The following MGAT4C variants were observed in gnomAD, a reference collection of about 807,000 sequenced individuals.
MGAT4C encodes the protein alpha-1,3-mannosyl-glycoprotein 4-beta-N-acetylglucosaminyltransferase C.
A neutral mutation model predicts 40.1 loss-of-function variants in MGAT4C; 19 were observed. The observed-to-expected ratio is 0.47, with a 90% confidence interval of 0.33 to 0.70. The LOEUF (loss-of-function observed/expected upper bound fraction) is 0.70, where lower values mean the gene tolerates loss of function less well. Among genes scored for constraint, MGAT4C ranks in the 30% least tolerant of loss-of-function variants. MGAT4C has a pLI of 0.02. For synonymous variants in MGAT4C, 181 were observed against 187.1 expected, an observed-to-expected ratio of 0.97 and a Z score of 0.27; for missense variants, 491 against 563.2, an observed-to-expected ratio of 0.87 and a Z score of 1.30.
chr12:86,350,912 A>C (rs2136191716), intron 3 of MGAT4C, among the ~76,000 whole-genome samples: 1 of 151,912 alleles, frequency 6.6e-6, no homozygotes, highest in East Asian at 1.9e-4. Context: ...TTACTTTGGT[A>C]GTTTTTTATT....
chr12:86,393,048 AG>A, intron 3 of MGAT4C, among the ~76,000 whole-genome samples: 1 of 152,330 alleles, frequency 6.6e-6, no homozygotes, highest in East Asian at 1.9e-4. Context: ...AACAAAGCTT[AG>A]AAGGTCAATT....
chr12:86,573,373 T>C, intron 2 of MGAT4C, among the ~76,000 whole-genome samples: 1 of 152,006 alleles, frequency 6.6e-6, no homozygotes, highest in East Asian at 1.9e-4. Flanking sequence ...ATAAGAAAAT[T>C]AAGACAGAGA....
At chr12:86,296,844 G>A (rs906684870) in intron 4 of MGAT4C, among the ~76,000 whole-genome samples, 7 of 152,248 alleles carry the variant, frequency 4.6e-5, no homozygotes, top group Admixed American at 2.0e-4. Flanking sequence ...GGCTCCCACA[G>A]TGCAGTGGCG....
intron 1 of MGAT4C, among the ~76,000 whole-genome samples, chr12:86,135,193 C>G (rs1458758242): frequency 6.6e-6 from 1 of 151,988 alleles, no homozygotes; most frequent in Admixed American, 6.5e-5. Context: ...GCAATGAAAA[C>G]CAACTCAGGG....
At chr12:86,260,823 T>C (rs770847487), upstream of MGAT4C, among the ~76,000 whole-genome samples, 28 of 151,968 alleles carry the variant, frequency 1.8e-4, no homozygotes, top group Non-Finnish European at 3.4e-4. Context: ...ATTTAGATCA[T>C]TATTTAGTAC....
intron 3 of MGAT4C, among the ~76,000 whole-genome samples, chr12:85,987,186 G>GA (rs923589563): frequency 8.0e-6 from 1 of 125,014 alleles, no homozygotes; most frequent in Non-Finnish European, 1.6e-5. Flanking sequence ...GCCCAGGCTG[G>GA]AGTGCAGTGG....
At chr12:86,731,540 C>T (rs1276556662) in intron 1 of MGAT4C, among the ~76,000 whole-genome samples, 1 of 151,432 alleles carries the variant, frequency 6.6e-6, no homozygotes, top group East Asian at 1.9e-4. Flanking sequence ...TTTTTCAGTA[C>T]CTTCGTTTAT....
intron 2 of MGAT4C, among the ~76,000 whole-genome samples, chr12:86,488,202 C>T (rs1176215501): frequency 2.0e-5 from 3 of 151,298 alleles, no homozygotes; most frequent in Non-Finnish European, 4.4e-5. Flanking sequence ...CAGTATGTTG[C>T]CCAGGAGTTT....
intron 2 of MGAT4C, among the ~76,000 whole-genome samples, chr12:86,539,973 C>T (rs1959145607): frequency 1.3e-5 from 2 of 152,058 alleles, no homozygotes; most frequent in South Asian, 4.1e-4. Context: ...CTGTAGGTTG[C>T]CTTTTCATTC....
upstream of MGAT4C, among the ~76,000 whole-genome samples, chr12:86,256,880 C>T (rs1403636082): frequency 6.6e-6 from 1 of 151,998 alleles, no homozygotes; most frequent in Non-Finnish European, 1.5e-5. Context: ...AGTTTTTAAT[C>T]AATTTTTTCA....
At chr12:86,643,672 G>A (rs1158611153) in intron 2 of MGAT4C, among the ~76,000 whole-genome samples, 1 of 151,818 alleles carries the variant, frequency 6.6e-6, no homozygotes, top group African/African-American at 2.4e-5. Context: ...AGGTTTACAA[G>A]GAGGCCTGGA....
intron 1 of MGAT4C, among the ~76,000 whole-genome samples, chr12:86,830,048 C>T (rs1952890875): frequency 6.6e-6 from 1 of 151,404 alleles, no homozygotes; most frequent in African/African-American, 2.4e-5. Context: ...GGGTAAAATT[C>T]CTGTGTAAGA....
At chr12:86,720,920 A>T (rs545562454) in intron 2 of MGAT4C, among the ~76,000 whole-genome samples, 1 of 152,296 alleles carries the variant, frequency 6.6e-6, no homozygotes, top group African/African-American at 2.4e-5. Flanking sequence ...TTTAAGGAAG[A>T]TGTCTTTGGA....
At chr12:86,483,776 T>C (rs1957972831) in intron 2 of MGAT4C, among the ~76,000 whole-genome samples, 1 of 148,556 alleles carries the variant, frequency 6.7e-6, no homozygotes, top group Non-Finnish European at 1.5e-5. Context: ...CACTCATCCA[T>C]GCCTTTCCAG....
At chr12:86,724,800 A>G (rs1049415232) in intron 2 of MGAT4C, among the ~76,000 whole-genome samples, 1 of 152,168 alleles carries the variant, frequency 6.6e-6, no homozygotes, top group Non-Finnish European at 1.5e-5. Flanking sequence ...TCATCCTTTG[A>G]CTAACATTTT....
At chr12:86,034,625 A>G (rs943343477) in intron 2 of MGAT4C, among the ~76,000 whole-genome samples, 11 of 148,764 alleles carry the variant, frequency 7.4e-5, no homozygotes, top group African/African-American at 2.7e-4. Context: ...ACATGTGCAG[A>G]AAGTGCAGGT....
At chr12:86,487,459 G>C (rs1958039724) in intron 2 of MGAT4C, among the ~76,000 whole-genome samples, 1 of 152,082 alleles carries the variant, frequency 6.6e-6, no homozygotes, top group Non-Finnish European at 1.5e-5. Flanking sequence ...TTTTGGAGTG[G>C]CTATTGACTT....
At chr12:86,245,299 C>T (rs1335134395) in intron 1 of MGAT4C, among the ~76,000 whole-genome samples, 1 of 152,108 alleles carries the variant, frequency 6.6e-6, no homozygotes, top group Non-Finnish European at 1.5e-5. Flanking sequence ...TTACTGGGTC[C>T]CAGGTTAGCA....
intron 1 of MGAT4C, among the ~76,000 whole-genome samples, chr12:86,124,557 T>A (rs1003629375): frequency 1.3e-5 from 2 of 152,120 alleles, no homozygotes; most frequent in Non-Finnish European, 2.9e-5. Flanking sequence ...TCCTAATTTG[T>A]AGAGCAAGTG....
Sources: allele counts gnomAD v4.1 joint callset (sites outside exome capture counted in the v4.1 genomes callset), GRCh38; gene constraint gnomAD v4.1.1; transcripts MANE v1.5; gene names NCBI Gene and HGNC (gene_info 2026-07-23, HGNC 2026-07-21).